CNTN4: variants seen among roughly 807,000 people sequenced by gnomAD.
CNTN4 encodes the protein contactin-4.
In CNTN4, 77 loss-of-function variants were observed where a neutral mutation model predicts 122.5. That is an observed-to-expected ratio of 0.63 (90% CI 0.52 to 0.76). CNTN4 has a LOEUF of 0.76. Among genes scored for constraint, CNTN4 ranks in the 30% least tolerant of loss-of-function variants. The pLI is 0.00. For synonymous variants in CNTN4, 512 were observed against 447.0 expected (o/e 1.15, Z -1.83); for missense variants, 1,256 against 1,259.1 (o/e 1.00, Z 0.04).
At chr3:2,124,950 T>C (rs1574884541) in intron 2 of CNTN4, among the ~76,000 whole-genome samples, 2 of 152,300 alleles carry the variant, frequency 1.3e-5, no homozygotes, top group Non-Finnish European at 2.9e-5. Context: ...CCGCTCCATG[T>C]TTTTACTGGT....
Position 2,646,585 on chromosome 3 carries a change from G to C in CNTN4, c.55+75027G>C, listed in dbSNP as rs540493856. 3.9e-5 allele frequency among the ~76,000 whole-genome samples: 6 copies of C among 152,274 alleles called. No homozygotes were observed. The East Asian group carries it at 1.2e-3, about 29-fold the overall frequency. On this transcript the variant is annotated intron_variant, in intron 4 of 24. Coordinates refer to ENST00000418658, the MANE Select transcript of CNTN4 (RefSeq NM_175607.3). ...GTTGAAAGAATAGGCACCCATATCA[G>C]AGTTTCTTTATTGTTATCTATTAGT...
chr3:2,947,401 T>A (rs2094690218), intron 13 of CNTN4, among the ~76,000 whole-genome samples: 1 of 152,200 alleles, frequency 6.6e-6, no homozygotes, highest in Non-Finnish European at 1.5e-5. Context: ...TGCTTGTACA[T>A]CTAGATCTAG....
chr3:2,269,447 G>A (rs1231207125), intron 2 of CNTN4, among the ~76,000 whole-genome samples: 1 of 152,080 alleles, frequency 6.6e-6, no homozygotes, highest in Non-Finnish European at 1.5e-5. Context: ...GCTGGGTGCT[G>A]GGTACTGATT....
At chr3:2,151,016 C>A (rs759337194) in intron 2 of CNTN4, among the ~76,000 whole-genome samples, 7 of 152,068 alleles carry the variant, frequency 4.6e-5, no homozygotes, top group Non-Finnish European at 1.0e-4. Context: ...TGGACAAATT[C>A]TTTGTTCTCA....
chr3:2,317,593 T>C (rs2043148020), intron 2 of CNTN4, among the ~76,000 whole-genome samples: 1 of 152,206 alleles, frequency 6.6e-6, no homozygotes, highest in Non-Finnish European at 1.5e-5. Flanking sequence ...GTGTACTCTT[T>C]GGCCTACCAT....
At chr3:2,840,385 C>G (rs4684358) in intron 7 of CNTN4, among the ~76,000 whole-genome samples, 73,524 of 151,520 alleles carry the variant, frequency 0.49, 19,986 homozygotes, top group East Asian at 0.83. Flanking sequence ...CTTTCTCCTC[C>G]TCCTCCACCT....
chr3:2,699,340 G>T (rs7652776), intron 4 of CNTN4, among the ~76,000 whole-genome samples: 1 of 151,798 alleles, frequency 6.6e-6, no homozygotes, highest in Non-Finnish European at 1.5e-5. Flanking sequence ...TTCTCCACTC[G>T]GTTCCTTCCT....
chr3:2,721,442 T>C (rs78179885), intron 4 of CNTN4, among the ~76,000 whole-genome samples: 5,820 of 152,214 alleles, frequency 0.038, 157 homozygotes, highest in Non-Finnish European at 0.056. Context: ...ACAGTGTGGG[T>C]TGGGGAACTC....
intron 7 of CNTN4, among the ~76,000 whole-genome samples, chr3:2,823,012 A>C (rs1203965934): frequency 2.6e-5 from 4 of 152,238 alleles, no homozygotes; most frequent in Non-Finnish European, 5.9e-5. Flanking sequence ...TCAAGGTTAT[A>C]AAAGAGCATC....
chr3:2,735,952 A>G, intron 4 of CNTN4: 1 of 582,110 alleles, frequency 1.7e-6, no homozygotes, highest in Non-Finnish European at 3.3e-6. Context: ...AGAAAGGGAG[A>G]CGTCAAGCAG....
chr3:2,252,074 C>G (rs2040399978), intron 2 of CNTN4, among the ~76,000 whole-genome samples: 2 of 151,942 alleles, frequency 1.3e-5, no homozygotes, highest in South Asian at 4.1e-4. Flanking sequence ...TCTGCTCAAA[C>G]TCTACATTCA....
intron 5 of CNTN4, among the ~76,000 whole-genome samples, chr3:2,737,365 A>G (rs6790744): frequency 0.19 from 28,960 of 152,078 alleles, 3,055 homozygotes; most frequent in East Asian, 0.3. Context: ...ACAGGCATGA[A>G]CCACCACGCC....
chr3:2,201,115 T>G (rs1461499675), intron 2 of CNTN4, among the ~76,000 whole-genome samples: 1 of 152,084 alleles, frequency 6.6e-6, no homozygotes, highest in Non-Finnish European at 1.5e-5. Context: ...TATTCTCCAT[T>G]CCTTCTGTGT....
intron 14 of CNTN4, among the ~76,000 whole-genome samples, chr3:3,009,655 G>A (rs543802205): frequency 5.9e-5 from 9 of 152,060 alleles, no homozygotes; most frequent in South Asian, 2.1e-4. Flanking sequence ...GGATGGTCTC[G>A]ATCTCCTGAC....
chr3:2,845,790 G>GATTT (rs1298712235), intron 7 of CNTN4, among the ~76,000 whole-genome samples: 1 of 152,182 alleles, frequency 6.6e-6, no homozygotes, highest in Admixed American at 6.5e-5. Context: ...AGAGAACTAA[G>GATTT]ATTTGCCTTC....
At chr3:2,628,333 G>A (rs2082288432) in intron 4 of CNTN4, among the ~76,000 whole-genome samples, 1 of 152,224 alleles carries the variant, frequency 6.6e-6, no homozygotes, top group African/African-American at 2.4e-5. Context: ...AGCAGCAGGG[G>A]CAGGAGGCCG....
chr3:2,446,219 G>A (rs1459700391), intron 3 of CNTN4, among the ~76,000 whole-genome samples: 2 of 152,128 alleles, frequency 1.3e-5, no homozygotes, highest in Admixed American at 6.6e-5. Flanking sequence ...TTTTTTCAGT[G>A]TAGGATCTTT....
At chr3:2,278,426 C>G (rs550504999) in intron 2 of CNTN4, among the ~76,000 whole-genome samples, 1 of 152,250 alleles carries the variant, frequency 6.6e-6, no homozygotes, top group African/African-American at 2.4e-5. Context: ...GAACTGGGTG[C>G]TACTTACTAG....
At chr3:2,781,936 G>A (rs1014671845) in intron 6 of CNTN4, among the ~76,000 whole-genome samples, 4 of 147,512 alleles carry the variant, frequency 2.7e-5, no homozygotes, top group Non-Finnish European at 4.5e-5. Flanking sequence ...TGTTAGCCAG[G>A]ATGGTCTCGA....
Sources: gnomAD v4.1 joint callset for allele counts (sites outside exome capture counted in the v4.1 genomes callset) on GRCh38, gnomAD v4.1.1 for gene constraint, MANE v1.5 for transcripts, NCBI Gene and HGNC (gene_info 2026-07-23, HGNC 2026-07-21) for gene names.